Variants in PPP1R42 observed in about 807,000 individuals in gnomAD.
The protein encoded by PPP1R42 is protein phosphatase 1 regulatory subunit 42.
Under a neutral mutation model 31.0 loss-of-function variants are expected in PPP1R42, and 34 were observed. That is an observed-to-expected ratio of 1.10 (90% CI 0.83 to 1.46). The LOEUF (loss-of-function observed/expected upper bound fraction) is 1.46. Among genes scored for constraint, PPP1R42 ranks in the 40% most tolerant of loss-of-function variants. The pLI, the probability that PPP1R42 is intolerant of heterozygous loss-of-function variation, is 0.00. For missense variants in PPP1R42, 268 were observed against 303.0 expected, an observed-to-expected ratio of 0.88 and a Z score of 0.86; for synonymous variants, 103 against 109.8, an observed-to-expected ratio of 0.94 and a Z score of 0.39.
chr8:67,026,972 C>T (rs1410552034), intron 1 of PPP1R42: 2 of 149,410 alleles, frequency 1.3e-5, no homozygotes, highest in East Asian at 3.9e-4. Context: ...GCGATTTCGG[C>T]ACACTGCAAC....
At chr8:66,992,086 AC>A (rs1380247549) in intron 5 of PPP1R42, among the ~76,000 whole-genome samples, 5 of 152,164 alleles carry the variant, frequency 3.3e-5, no homozygotes, top group African/African-American at 1.2e-4. Flanking sequence ...ATTGCCAATC[AC>A]ATACTTTCCC....
intron 5 of PPP1R42, among the ~76,000 whole-genome samples, chr8:67,002,766 T>G (rs528582082): frequency 6.6e-6 from 1 of 151,088 alleles, no homozygotes; most frequent in Admixed American, 6.6e-5. Flanking sequence ...TGCTTTACTT[T>G]GGATAGTTCT....
At chr8:66,992,597 T>C (rs1417447905) in intron 5 of PPP1R42, among the ~76,000 whole-genome samples, 1 of 152,194 alleles carries the variant, frequency 6.6e-6, no homozygotes, top group Non-Finnish European at 1.5e-5. Flanking sequence ...ACCAATTCAC[T>C]TGACTCCTTT....
In PPP1R42 at chr8:66,988,527, G is replaced by T; in HGVS notation, c.553-10C>A. On this transcript the variant is annotated splice_polypyrimidine_tract_variant and intron_variant, in intron 5 of 7. Coordinates refer to ENST00000685739, the MANE Select transcript of PPP1R42 (RefSeq NM_001364910.1). ...GTAAAAACTCCAAATCCTATAATTA[G>T]AGAAGAAAAAGCAAAGCACAAGCAT... 1 of 1,591,066 alleles carries T rather than the reference G, an allele frequency of 6.3e-7. No individual in the cohort carries two copies. The highest frequency in any genetic ancestry group is 1.2e-5 in the South Asian group (1 of 86,526).
intron 5 of PPP1R42, among the ~76,000 whole-genome samples, chr8:67,005,398 AT>A (rs1047910411): frequency 1.3e-5 from 2 of 151,850 alleles, no homozygotes; most frequent in African/African-American, 2.4e-5. Context: ...TCTTGGTCTC[AT>A]TTTTTTCTCT....
intron 6 of PPP1R42, among the ~76,000 whole-genome samples, chr8:66,983,021 G>A (rs1209451737): frequency 1.2e-4 from 18 of 151,280 alleles, no homozygotes; most frequent in African/African-American, 1.5e-4. Context: ...GGCCTCAAAC[G>A]ATCCTCGGCT....
intron 7 of PPP1R42, among the ~76,000 whole-genome samples, chr8:66,974,935 G>T (rs1814629707): frequency 6.6e-6 from 1 of 152,076 alleles, no homozygotes; most frequent in South Asian, 2.1e-4. Flanking sequence ...CTTCAGCTTT[G>T]TTCTTCATTC....
intron 7 of PPP1R42, among the ~76,000 whole-genome samples, chr8:66,977,047 T>G (rs1397634096): frequency 2.6e-5 from 4 of 151,806 alleles, no homozygotes; most frequent in Non-Finnish European, 5.9e-5. Flanking sequence ...CTTTTTTTTT[T>G]TTTTTAGACG....
chr8:66,999,849 C>T (rs1815433471), intron 5 of PPP1R42, among the ~76,000 whole-genome samples: 1 of 152,130 alleles, frequency 6.6e-6, no homozygotes, highest in Non-Finnish European at 1.5e-5. Context: ...GTATTTATGT[C>T]TTGCAAGTAA....
At chr8:67,027,993 G>C (rs1229127099) in intron 1 of PPP1R42, among the ~76,000 whole-genome samples, 2 of 151,970 alleles carry the variant, frequency 1.3e-5, no homozygotes, top group African/African-American at 4.8e-5. Flanking sequence ...TTTTCGGTTT[G>C]GGGGGTACAT....
Position 67,009,452 on chromosome 8 carries a change from C to T in PPP1R42, c.552+1263G>A, listed in dbSNP as rs565212819. ...GTGTGGTGGCAGGCACCTGTAATCC[C>T]AGATACTCGGGAGGCTGAGGCAGGA... On this transcript the variant is annotated intron_variant, in intron 5 of 7. Transcript: ENST00000685739. Among the ~76,000 whole-genome samples the T allele has an allele frequency of 2.0e-5, 3 of 151,828 alleles. No individual in the cohort carries two copies. The East Asian group carries it at 5.8e-4, about 29-fold the overall frequency.
chr8:66,986,155 C>A (rs1250989552), intron 6 of PPP1R42: 6 of 636,070 alleles, frequency 9.4e-6, no homozygotes, highest in South Asian at 7.8e-5. Flanking sequence ...CTCTGAGAAA[C>A]CCAGCACGCT....
intron 2 of PPP1R42, among the ~76,000 whole-genome samples, chr8:67,014,910 C>T (rs948073825): frequency 6.6e-6 from 1 of 152,122 alleles, no homozygotes; most frequent in Non-Finnish European, 1.5e-5. Flanking sequence ...AAATTATTGT[C>T]TCAACATTAT....
At chr8:66,980,865 C>T (rs375321071) in intron 7 of PPP1R42, among the ~76,000 whole-genome samples, 8 of 151,198 alleles carry the variant, frequency 5.3e-5, no homozygotes, top group African/African-American at 1.2e-4. Flanking sequence ...TTCTTTAAGA[C>T]GGAGTCTTGT....
At chr8:67,008,368 G>C (rs1815747211) in intron 5 of PPP1R42, among the ~76,000 whole-genome samples, 1 of 152,116 alleles carries the variant, frequency 6.6e-6, no homozygotes, top group Non-Finnish European at 1.5e-5. Flanking sequence ...TTGATGGGGA[G>C]GTTCAGGAAA....
intron 5 of PPP1R42, among the ~76,000 whole-genome samples, chr8:66,993,866 G>A (rs961998641): frequency 6.6e-6 from 1 of 150,696 alleles, no homozygotes; most frequent in Non-Finnish European, 1.5e-5. Flanking sequence ...GAATGAACAA[G>A]AGAGGGCCAG....
chr8:66,970,027 A>C lies in PPP1R42; in HGVS notation c.803-5693T>G, dbSNP rs145500108. Among the ~76,000 whole-genome samples the C allele has an allele frequency of 3.6e-3, 554 of 152,338 alleles. 8 individuals are homozygous for C. The highest frequency in any genetic ancestry group is 0.013 in the African/African-American group (521 of 41,582). Reference sequence around the variant, plus strand: ...CAGCTAGCTTGTGGCAAAATATTTGAGATCAGGATTATCTCATTTGAGTTT... The same window carrying C: ...CAGCTAGCTTGTGGCAAAATATTTGCGATCAGGATTATCTCATTTGAGTTT... On this transcript the variant is annotated intron_variant, in intron 7 of 7. Transcript: ENST00000685739.
chr8:67,002,787 C>G (rs1171941991), intron 5 of PPP1R42, among the ~76,000 whole-genome samples: 1 of 120,726 alleles, frequency 8.3e-6, no homozygotes, highest in African/African-American at 3.1e-5. Flanking sequence ...AATACTATGT[C>G]TTTAAATTCG....
Position 67,014,413 on chromosome 8 carries a change from T to C in PPP1R42, c.296+13A>G, listed in dbSNP as rs773416911. ...AAAAATCAGATACATTATTAAAAAA[T>C]AAAAGCACTTACAGTTTTTCCAGTT... On this transcript the variant is annotated intron_variant, in intron 3 of 7. Coordinates refer to ENST00000685739, the MANE Select transcript of PPP1R42 (RefSeq NM_001364910.1). 27 of 1,426,912 alleles carry C rather than the reference T, an allele frequency of 1.9e-5. No homozygotes were observed. The South Asian group carries it at 3.9e-4, about 21-fold the overall frequency. 88.4% of individuals were successfully genotyped at this position (1,426,912 alleles called of 1,614,324 possible).
Sources: gnomAD v4.1 joint callset for allele counts (sites outside exome capture counted in the v4.1 genomes callset) on GRCh38, gnomAD v4.1.1 for gene constraint, MANE v1.5 for transcripts, NCBI Gene and HGNC (gene_info 2026-07-23, HGNC 2026-07-21) for gene names.